SEMA3D: variants seen among roughly 807,000 people sequenced by gnomAD.
SEMA3D encodes the protein semaphorin 3D, also known as semaphorin-3D.
In SEMA3D, 84 loss-of-function variants were observed where a neutral mutation model predicts 100.1. That is an observed-to-expected ratio of 0.84 (90% CI 0.70 to 1.01). The LOEUF (loss-of-function observed/expected upper bound fraction) is 1.01. Among genes scored for constraint, SEMA3D ranks in the 50% least tolerant of loss-of-function variants. SEMA3D has a pLI of 0.00. For synonymous variants in SEMA3D, 312 were observed against 320.7 expected, an observed-to-expected ratio of 0.97 and a Z score of 0.29; for missense variants, 875 against 934.1, an observed-to-expected ratio of 0.94 and a Z score of 0.82.
intron 12 of SEMA3D, among the ~76,000 whole-genome samples, chr7:85,023,699 C>T (rs1429759827): frequency 6.6e-6 from 1 of 151,800 alleles, no homozygotes. Context: ...TAATGTACTT[C>T]TCAAAATATT....
chr7:85,163,255 T>C (rs555410254), intron 1 of SEMA3D: 13 of 152,240 alleles, frequency 8.5e-5, no homozygotes, highest in African/African-American at 3.1e-4. Flanking sequence ...GGCAAGTTAT[T>C]TAATCACTCT....
At chr7:85,222,734 A>C in the SEMA3D span, among the ~76,000 whole-genome samples, 1 of 152,092 alleles carries the variant, frequency 6.6e-6, no homozygotes, top group Admixed American at 6.6e-5. Context: ...TCATCAACAA[A>C]GAATGCGACC....
intron 6 of SEMA3D, among the ~76,000 whole-genome samples, 165 bp downstream of exon 6, chr7:85,072,797 C>A (rs1475239764): frequency 6.6e-6 from 1 of 152,152 alleles, no homozygotes; most frequent in South Asian, 2.1e-4. Context: ...CTCAAGGGAC[C>A]CTCTGACTTC....
chr7:85,195,132 A>G, the SEMA3D span, among the ~76,000 whole-genome samples: 1 of 152,170 alleles, frequency 6.6e-6, no homozygotes, highest in African/African-American at 2.4e-5. Flanking sequence ...GCCGCCTGCT[A>G]GGATTTATCT....
the SEMA3D span, among the ~76,000 whole-genome samples, chr7:85,240,895 G>GA: frequency 1.3e-5 from 2 of 151,948 alleles, no homozygotes; most frequent in South Asian, 2.1e-4. Context: ...CAGAGTAGGA[G>GA]AAAATCTTCA....
chr7:85,118,661 T>A (rs985743534), intron 3 of SEMA3D, among the ~76,000 whole-genome samples: 5 of 152,140 alleles, frequency 3.3e-5, no homozygotes, highest in Non-Finnish European at 7.4e-5. Flanking sequence ...ATAGATGCTT[T>A]ATATTAGATG....
the SEMA3D span, among the ~76,000 whole-genome samples, chr7:85,197,663 TA>T: frequency 6.6e-6 from 1 of 152,166 alleles, no homozygotes; most frequent in African/African-American, 2.4e-5. Flanking sequence ...TGGCTCAGAA[TA>T]AATCTCTTAA....
chr7:85,150,039 A>G (rs1790323282), intron 2 of SEMA3D, among the ~76,000 whole-genome samples: 1 of 152,074 alleles, frequency 6.6e-6, no homozygotes, highest in African/African-American at 2.4e-5. Flanking sequence ...TAAGGATCTC[A>G]GTGTTCAATC....
chr7:85,138,282 T>C (rs946131703), intron 2 of SEMA3D, among the ~76,000 whole-genome samples: 20 of 152,014 alleles, frequency 1.3e-4, no homozygotes, highest in African/African-American at 4.6e-4. Context: ...TATTCTTTTT[T>C]AATTCATAAT....
chr7:85,142,674 A>ATTT lies in SEMA3D; in HGVS notation c.-41+10931_-41+10933dup, dbSNP rs58949011. The ATTT allele has an allele frequency of 7.2e-4, 658 of 908,710 alleles. 1 individual carries two copies. In the African/African-American group the frequency reaches 7.3e-3, roughly 10 times the overall value. 56.3% of individuals were successfully genotyped at this position (908,710 alleles called of 1,614,324 possible). ...TTAGAAGAAAGCAAAGAAGGATGGCATTTTTTTTTTTTTTTTTTTAGTGTC... is the reference window on the plus strand; with the variant it reads ...TTAGAAGAAAGCAAAGAAGGATGGCATTTTTTTTTTTTTTTTTTTTTTAGTGTC... On this transcript the variant is annotated intron_variant, in intron 2 of 18. Transcript: ENST00000284136.
the SEMA3D span, among the ~76,000 whole-genome samples, chr7:85,202,473 G>A: frequency 7.2e-5 from 11 of 151,926 alleles, no homozygotes; most frequent in East Asian, 1.4e-3. Flanking sequence ...GGACATTTGG[G>A]TTGGTTCCAA....
chr7:85,069,595 A>G (rs1177736094), intron 6 of SEMA3D, among the ~76,000 whole-genome samples: 1 of 152,198 alleles, frequency 6.6e-6, no homozygotes, highest in East Asian at 1.9e-4. Context: ...ACTTTATAAG[A>G]TTGCTTCTAT....
intron 9 of SEMA3D, among the ~76,000 whole-genome samples, chr7:85,053,018 A>G (rs1367805382): frequency 6.6e-6 from 1 of 151,972 alleles, no homozygotes; most frequent in Non-Finnish European, 1.5e-5. Context: ...CAATAAAACA[A>G]TTGTTTTTCA....
chr7:85,167,209 A>C, intron 1 of SEMA3D: 1 of 912,628 alleles, frequency 1.1e-6, no homozygotes, highest in Non-Finnish European at 1.3e-6. Flanking sequence ...TCAAGAGTTG[A>C]AATGTTATAA....
At chr7:85,176,270 A>C (rs1288307011) in intron 1 of SEMA3D, among the ~76,000 whole-genome samples, 2 of 152,160 alleles carry the variant, frequency 1.3e-5, no homozygotes, top group African/African-American at 2.4e-5. Flanking sequence ...ATTAAAACCC[A>C]AAATCCAAGA....
chr7:85,072,972 AC>A lies in SEMA3D; in HGVS notation c.484del (p.Val162SerfsTer10), dbSNP rs1791817353. 6.2e-7 allele frequency: 1 copy of A among 1,602,256 alleles called. No homozygotes were observed. Among genetic ancestry groups the A allele is most frequent in the Non-Finnish European group, 8.5e-7 (1 of 1,174,496 alleles). On this transcript the variant is annotated frameshift_variant, in exon 6 of 19. Transcript: ENST00000284136. LOFTEE classifies it high-confidence loss of function. ...TTTTCATTATATTACCTCCTTGTAG[AC>A]TCCAAGATCAATATACCCACATATT... ...HPICGYIDLG[V>X]YKEDIIFKLD...
At chr7:85,015,844 G>C (rs1790083107) in intron 15 of SEMA3D, among the ~76,000 whole-genome samples, 1 of 151,706 alleles carries the variant, frequency 6.6e-6, no homozygotes, top group South Asian at 2.1e-4. Context: ...AGTCCTGAAA[G>C]TAATGCATTA....
chr7:85,143,763 C>G (rs887798402), intron 2 of SEMA3D, among the ~76,000 whole-genome samples: 2 of 151,420 alleles, frequency 1.3e-5, no homozygotes, highest in Non-Finnish European at 2.9e-5. Flanking sequence ...GCTCTATCAC[C>G]CAGGCTGTAG....
intron 2 of SEMA3D, chr7:85,140,175 A>G: frequency 6.2e-6 from 3 of 487,126 alleles, no homozygotes; most frequent in Non-Finnish European, 2.7e-6. Context: ...TAAGTTTATA[A>G]GAGCATTTAT....
Sources: allele counts gnomAD v4.1 joint callset (sites outside exome capture counted in the v4.1 genomes callset), GRCh38; gene constraint gnomAD v4.1.1; transcripts MANE v1.5; gene names NCBI Gene and HGNC (gene_info 2026-07-23, HGNC 2026-07-21).